Variants in KIAA1191 observed in about 807,000 individuals in gnomAD.
KIAA1191 encodes putative monooxygenase p33MONOX.
A neutral mutation model predicts 31.1 loss-of-function variants in KIAA1191; 22 were observed. That is an observed-to-expected ratio of 0.71 (90% CI 0.51 to 1.01). The LOEUF (loss-of-function observed/expected upper bound fraction) is 1.01, where lower values mean the gene tolerates loss of function less well. Among genes scored for constraint, KIAA1191 ranks in the 50% least tolerant of loss-of-function variants. The probability of loss-of-function intolerance (pLI) is 0.00; values close to 1 mark genes in which losing one functional copy is unlikely to be tolerated. For synonymous variants in KIAA1191, 130 were observed against 143.9 expected (o/e 0.90, Z 0.69); for missense variants, 319 against 388.0 (o/e 0.82, Z 1.49).
rs1349122589 is a variant in KIAA1191 at position 176,350,603 on chromosome 5, A to C, written c.459+10T>G. 2 of 1,612,202 alleles carry C rather than the reference A, an allele frequency of 1.2e-6. No individual in the cohort carries two copies. Among genetic ancestry groups the C allele is most frequent in the Middle Eastern group, 1.8e-4 (1 of 5,448 alleles). On this transcript the variant is annotated intron_variant, in intron 6 of 8. Coordinates refer to ENST00000298569, the MANE Select transcript of KIAA1191 (RefSeq NM_020444.5). ...AAGGTTTTGTTTTTTCAAAGTTCCT[A>C]AGAGCTTACGTGGAGTGCTTCGGCC...
At chr5:176,357,573 A>G (rs1408870149) in intron 3 of KIAA1191, among the ~76,000 whole-genome samples, 1 of 152,190 alleles carries the variant, frequency 6.6e-6, no homozygotes, top group Non-Finnish European at 1.5e-5. Context: ...AACTTGCCCA[A>G]TATCACCTAG....
At position 176,347,610 on chromosome 5, in the gene KIAA1191, G is replaced by A. The variant is rs1245125391; in HGVS notation, c.908C>T (p.Thr303Ile). Residue 303 changes from threonine to isoleucine, a missense_variant, in exon 9 of 9, where the codon ACT becomes ATT. By Grantham distance (89) the Thr-to-Ile change is moderately conservative. Transcript: ENST00000298569. Reference protein sequence around the residue: ...KPRDLNVLTPTGF With the variant: ...KPRDLNVLTPIGF The stretch of plus-strand genomic sequence containing the variant: ...CCTGGAAAGAGGGCTCTAGAAGCCA[G>A]TGGGTGTGAGCACATTCAGGTCACG... The A allele has an allele frequency of 6.7e-7, 1 of 1,502,508 alleles. No individual in the cohort carries two copies. Among genetic ancestry groups the A allele is most frequent in the Non-Finnish European group, 8.9e-7 (1 of 1,126,092 alleles). The allele number at this position is 1,502,508 out of a possible 1,614,324, so 93.1% of individuals were successfully genotyped here. A position where few individuals can be genotyped will look rare whatever the true frequency, so the allele number is the denominator to read the frequency against.
rs1766670588 is a variant in KIAA1191, at chr5:176,348,060, GC to G, written c.569del (p.Gly190AlafsTer66). On this transcript the variant is annotated frameshift_variant and splice_region_variant, in exon 8 of 9. Coordinates refer to ENST00000298569, the MANE Select transcript of KIAA1191 (RefSeq NM_020444.5). LOFTEE classifies it high-confidence loss of function. Reference protein sequence around the residue: ...PHSSPKQRPRGWFTSGSSTAL... With the variant: ...PHSSPKQRPRXWFTSGSSTAL... ...CTGTGGAAGAACCAGAAGTGAACCAGCCCCTGGGAAAGAAAGAACAAAACAT... is the reference window on the plus strand; with the variant it reads ...CTGTGGAAGAACCAGAAGTGAACCAGCCCTGGGAAAGAAAGAACAAAACAT... The G allele has an allele frequency of 1.2e-6, 2 of 1,613,278 alleles. No homozygotes were observed. Among genetic ancestry groups the G allele is most frequent in the African/African-American group, 2.7e-5 (2 of 74,864 alleles).
chr5:176,348,174 T>G, intron 7 of KIAA1191, 76 bp downstream of exon 7: 1 of 1,598,482 alleles, frequency 6.3e-7, no homozygotes, highest in Non-Finnish European at 8.6e-7. Context: ...AACCACAGGC[T>G]TAAATACAAC....
intron 3 of KIAA1191, among the ~76,000 whole-genome samples, chr5:176,358,002 G>T (rs775327495): frequency 3.9e-5 from 6 of 151,990 alleles, no homozygotes; most frequent in Non-Finnish European, 1.5e-5. Flanking sequence ...CCGAGAGATA[G>T]GAACCATCAT....
At chr5:176,357,696 G>A (rs1581375654) in intron 3 of KIAA1191, among the ~76,000 whole-genome samples, 1 of 152,256 alleles carries the variant, frequency 6.6e-6, no homozygotes, top group East Asian at 1.9e-4. Context: ...GCTCGCGACG[G>A]CTACACGGAG....
At chr5:176,350,380 A>G (rs1236830409) in intron 6 of KIAA1191, among the ~76,000 whole-genome samples, 1 of 152,196 alleles carries the variant, frequency 6.6e-6, no homozygotes, top group Non-Finnish European at 1.5e-5. Flanking sequence ...TGATTCATAA[A>G]GTACTCCTAT....
In KIAA1191 at chr5:176,355,853, A is replaced by G; in HGVS notation, c.29-104T>C. 1 of 1,164,920 alleles carries G rather than the reference A, an allele frequency of 8.6e-7. No individual in the cohort carries two copies. The highest frequency in any genetic ancestry group is 1.3e-5 in the South Asian group (1 of 78,194). 72.2% of individuals were successfully genotyped at this position (1,164,920 alleles called of 1,614,324 possible). ...AGCTCTGAAATACTCTTGTTCTTGAACAGAGCAAAATAGCTTGTTTTGGAG... is the reference window on the plus strand; with the variant it reads ...AGCTCTGAAATACTCTTGTTCTTGAGCAGAGCAAAATAGCTTGTTTTGGAG... On this transcript the variant is annotated intron_variant, in intron 3 of 8. Coordinates refer to ENST00000298569, the MANE Select transcript of KIAA1191 (RefSeq NM_020444.5). The surrounding 1 kb of genome is among the most constrained non-coding windows in gnomAD (Gnocchi z 4.2).
chr5:176,354,778 C>G (rs2113492280), intron 4 of KIAA1191, among the ~76,000 whole-genome samples: 1 of 152,216 alleles, frequency 6.6e-6, no homozygotes, highest in Non-Finnish European at 1.5e-5. Flanking sequence ...AGACATGGCC[C>G]CTGTCCTCAG....
rs771134464 is a variant in KIAA1191, at chr5:176,355,745, A to G, written c.33T>C (p.Leu11=). 5 of 1,614,092 alleles carry G rather than the reference A, an allele frequency of 3.1e-6. No individual in the cohort carries two copies. In the South Asian group the frequency reaches 5.5e-5, roughly 18 times the overall value. The part of the protein sequence containing the change: MASRQPEVPA[L]EASAPLGKMS... ...TCTTGCCTAGAGGCGCACTAGCCTC[A>G]AGAGCTAAGAACAGAGACACCTGTC... Residue 11 remains leucine (L), a synonymous_variant, in exon 4 of 9, where the codon CTT becomes CTC. Transcript: ENST00000298569. This position sits in a 1 kb window ranked among gnomAD's most constrained non-coding sequence, Gnocchi z 4.2.
chr5:176,350,675 T>G lies in KIAA1191; in HGVS notation c.397A>C (p.Thr133Pro), dbSNP rs764450598. 6.2e-7 allele frequency: 1 copy of G among 1,614,094 alleles called. No individual in the cohort carries two copies. Among genetic ancestry groups the G allele is most frequent in the South Asian group, 1.1e-5 (1 of 91,074 alleles). ...RQAGLRDAGY[T>P]PHKGLTTEET... Reference sequence around the variant, plus strand: ...TCGGTGGTGAGGCCCTTGTGGGGTGTGTAGCCAGCATCTCTCAGCCCTGCC... The same window carrying G: ...TCGGTGGTGAGGCCCTTGTGGGGTGGGTAGCCAGCATCTCTCAGCCCTGCC... Residue 133 changes from threonine (T) to proline (P), a missense_variant, in exon 6 of 9, where the codon ACA becomes CCA. Coordinates refer to ENST00000298569, the MANE Select transcript of KIAA1191 (RefSeq NM_020444.5).
rs770475670 is a variant in KIAA1191, at chr5:176,348,051, A to C, written c.579T>G (p.Thr193=). Residue 193 remains threonine (T), a synonymous_variant, in exon 8 of 9, where the codon ACT becomes ACG. Transcript: ENST00000298569. ...SPKQRPRGWF[T]SGSSTALPGP... is the part of the protein sequence containing the mutation. The stretch of plus-strand genomic sequence containing the variant: ...CAGGTAAGGCTGTGGAAGAACCAGA[A>C]GTGAACCAGCCCCTGGGAAAGAAAG... 11 of 1,613,796 alleles carry C rather than the reference A, an allele frequency of 6.8e-6. No individual in the cohort carries two copies. In the South Asian group the frequency reaches 1.1e-4, roughly 16 times the overall value.
intron 3 of KIAA1191, among the ~76,000 whole-genome samples, chr5:176,356,376 A>G (rs1767508687): frequency 6.6e-6 from 1 of 152,212 alleles, no homozygotes; most frequent in African/African-American, 2.4e-5. Flanking sequence ...GCCTAGGGGT[A>G]AAGTGACCTT....
chr5:176,348,230 G>A lies in KIAA1191; in HGVS notation c.566+20C>T, dbSNP rs752169793. 1.9e-6 allele frequency: 3 copies of A among 1,610,530 alleles called. No individual in the cohort carries two copies. The South Asian group carries it at 3.3e-5, about 18-fold the overall frequency. Reference sequence around the variant, plus strand: ...TCCTGAAGCACGCAGGAACTCGGAAGGGTCACAGGAAGGGCTCACCTGGGC... The same window carrying A: ...TCCTGAAGCACGCAGGAACTCGGAAAGGTCACAGGAAGGGCTCACCTGGGC... On this transcript the variant is annotated intron_variant, in intron 7 of 8. Transcript: ENST00000298569.
intron 3 of KIAA1191, among the ~76,000 whole-genome samples, chr5:176,356,956 G>C (rs1246107526): frequency 2.6e-5 from 4 of 152,126 alleles, no homozygotes; most frequent in Admixed American, 2.6e-4. Flanking sequence ...GTGGGTGGGG[G>C]GAGTGAGGAT....
chr5:176,359,749 G>T, intron 2 of KIAA1191, 62 bp downstream of exon 2: 1 of 464,200 alleles, frequency 2.2e-6, no homozygotes. Context: ...ACCTGTGGCT[G>T]ATCTTAACAC....
intron 4 of KIAA1191, chr5:176,353,315 A>C (rs1458829273): frequency 6.6e-6 from 1 of 152,320 alleles, no homozygotes; most frequent in Non-Finnish European, 1.5e-5. Context: ...CCAAGGTTCA[A>C]GTAATGGTCT....
chr5:176,355,411 T>TA lies in KIAA1191; in HGVS notation c.207+159dup, dbSNP rs527939434. On this transcript the variant is annotated intron_variant, in intron 4 of 8. Transcript: ENST00000298569. The surrounding 1 kb of genome is among the most constrained non-coding windows in gnomAD (Gnocchi z 4.2). ...TTTTTTAACAAAATAAATAAAATCT[T>TA]AAAAAAAAAAAAAAGACAGCTATAA... Among the ~76,000 whole-genome samples, 133 of 61,492 alleles carry TA rather than the reference T, an allele frequency of 2.2e-3. No homozygotes were observed. In the South Asian group the frequency reaches 0.031, roughly 14 times the overall value. 40.3% of individuals were successfully genotyped at this position (61,492 alleles called of 152,430 possible). A position where few individuals can be genotyped will look rare whatever the true frequency, so the allele number is the denominator to read the frequency against.
chr5:176,347,676 TC>T lies in KIAA1191; in HGVS notation c.841del (p.Glu281LysfsTer17). On this transcript the variant is annotated frameshift_variant, in exon 9 of 9. Coordinates refer to ENST00000298569, the MANE Select transcript of KIAA1191 (RefSeq NM_020444.5). LOFTEE classifies it high-confidence loss of function. ...GGCCCGTGGTGGCTGTTTCTTTCCT[TC>T]CATCACTGGGATGTCCATCTTGGGG... ...KPPKMDIPVM[E>X]GKKQPPRAHN... 1 of 1,584,934 alleles carries T rather than the reference TC, an allele frequency of 6.3e-7. No homozygotes were observed. The highest frequency in any genetic ancestry group is 8.6e-7 in the Non-Finnish European group (1 of 1,168,476).
Sources: allele counts gnomAD v4.1 joint callset (sites outside exome capture counted in the v4.1 genomes callset), GRCh38; gene constraint gnomAD v4.1.1; non-coding constraint Gnocchi (gnomAD v3.1); transcripts MANE v1.5; gene names NCBI Gene and HGNC (gene_info 2026-07-23, HGNC 2026-07-21).